Variants in ITIH5 observed in about 807,000 individuals in gnomAD.
ITIH5 encodes the protein inter-alpha-trypsin inhibitor heavy chain 5.
Under a neutral mutation model 77.5 loss-of-function variants are expected in ITIH5, and 65 were observed. The ratio of observed to expected loss-of-function variants is 0.84; its 90% CI spans 0.69 to 1.03. The LOEUF (loss-of-function observed/expected upper bound fraction) is 1.03. Among genes scored for constraint, ITIH5 ranks in the 50% least tolerant of loss-of-function variants. The probability of loss-of-function intolerance (pLI) is 0.00; values close to 1 mark genes in which losing one functional copy is unlikely to be tolerated. For synonymous variants in ITIH5, 525 were observed against 494.3 expected (o/e 1.06, Z -0.82); for missense variants, 1,208 against 1,213.1 (o/e 1.00, Z 0.06).
intron 12 of ITIH5, 104 bp downstream of exon 12, chr10:7,569,564 T>C: frequency 1.5e-6 from 1 of 676,274 alleles, no homozygotes. Flanking sequence ...ACTGAGCGTC[T>C]GTAAGGTGGC....
chr10:7,612,955 G>C (rs1334288949), intron 7 of ITIH5, among the ~76,000 whole-genome samples: 1 of 152,118 alleles, frequency 6.6e-6, no homozygotes, highest in African/African-American at 2.4e-5. Context: ...AGAACTTGTA[G>C]TACACAGGGC....
chr10:7,619,643 G>T (rs1432248174), intron 5 of ITIH5: 6 of 356,702 alleles, frequency 1.7e-5, no homozygotes, highest in South Asian at 8.8e-5. Flanking sequence ...AACGCAAAGC[G>T]AACACGTCTA....
At chr10:7,624,483 G>A (rs1351859618) in intron 5 of ITIH5, among the ~76,000 whole-genome samples, 1 of 149,194 alleles carries the variant, frequency 6.7e-6, no homozygotes, top group East Asian at 2.0e-4. Context: ...CTCCAGCCTG[G>A]GCAACAAGAG....
At chr10:7,614,366 A>G (rs532862900) in intron 7 of ITIH5, among the ~76,000 whole-genome samples, 1 of 152,344 alleles carries the variant, frequency 6.6e-6, no homozygotes, top group East Asian at 1.9e-4. Context: ...GCTATCCTCT[A>G]AAACAAGCTT....
chr10:7,607,940 C>T (rs1833158291), intron 7 of ITIH5, among the ~76,000 whole-genome samples: 1 of 152,212 alleles, frequency 6.6e-6, no homozygotes, highest in Admixed American at 6.5e-5. Flanking sequence ...CTGATATTTC[C>T]TTCTGATATT....
chr10:7,627,998 A>G (rs1246668511), intron 5 of ITIH5, among the ~76,000 whole-genome samples: 1 of 151,416 alleles, frequency 6.6e-6, no homozygotes, highest in Admixed American at 6.6e-5. Flanking sequence ...CCTGCCACCA[A>G]GCCCAGCTCG....
chr10:7,581,572 T>C (rs1038114305), intron 8 of ITIH5, among the ~76,000 whole-genome samples: 11 of 152,146 alleles, frequency 7.2e-5, no homozygotes, highest in Non-Finnish European at 1.3e-4. Context: ...AAATGTTCTG[T>C]TTCTTGATCT....
At chr10:7,656,815 C>T (rs1834191871) in intron 1 of ITIH5, among the ~76,000 whole-genome samples, 1 of 147,310 alleles carries the variant, frequency 6.8e-6, no homozygotes, top group Non-Finnish European at 1.5e-5. Flanking sequence ...ATGGTCTTGG[C>T]TCACTGCAAC....
At chr10:7,615,099 T>C (rs1340765488) in intron 7 of ITIH5, among the ~76,000 whole-genome samples, 7 of 151,898 alleles carry the variant, frequency 4.6e-5, no homozygotes, top group African/African-American at 1.7e-4. Flanking sequence ...ATACAAAAAT[T>C]AGCCAGGTGT....
chr10:7,571,592 T>G (rs1281420224), intron 11 of ITIH5: 2 of 152,056 alleles, frequency 1.3e-5, no homozygotes, highest in East Asian at 3.9e-4. Flanking sequence ...AATTATTGTA[T>G]TTTTAGTAGA....
chr10:7,566,838 GGAAGAGGAAGAA>G (rs1832184842), intron 12 of ITIH5, among the ~76,000 whole-genome samples: 46 of 11,978 alleles, frequency 3.8e-3, no homozygotes, highest in South Asian at 7.1e-3. Context: ...AAGAGGAAGA[GGAAGAGGAAGAA>G]GAAGAAGAAG....
intron 1 of ITIH5, among the ~76,000 whole-genome samples, chr10:7,664,544 C>T (rs551957986): frequency 1.1e-3 from 171 of 152,280 alleles, no homozygotes; most frequent in Non-Finnish European, 1.8e-3. Context: ...GTGACTTTTT[C>T]CACCCCAAGG....
chr10:7,594,462 G>T (rs1832855780), intron 7 of ITIH5, among the ~76,000 whole-genome samples: 1 of 152,176 alleles, frequency 6.6e-6, no homozygotes, highest in African/African-American at 2.4e-5. Flanking sequence ...ATACATGTTG[G>T]AGTCATGAAG....
chr10:7,573,425 C>T (rs903008349), intron 10 of ITIH5, among the ~76,000 whole-genome samples: 4 of 151,572 alleles, frequency 2.6e-5, no homozygotes, highest in Non-Finnish European at 4.4e-5. Flanking sequence ...CCAGTGCTTC[C>T]GGAGGCCAAG....
chr10:7,634,051 T>C (rs1183229643), intron 5 of ITIH5, among the ~76,000 whole-genome samples: 2 of 126,048 alleles, frequency 1.6e-5, no homozygotes, highest in Admixed American at 2.1e-4. Flanking sequence ...ATCGCGCCAC[T>C]GCACTCCAGC....
At chr10:7,632,368 C>A (rs540296587) in intron 5 of ITIH5, among the ~76,000 whole-genome samples, 79 of 152,082 alleles carry the variant, frequency 5.2e-4, no homozygotes, top group Non-Finnish European at 9.7e-4. Context: ...AAAATTGGAC[C>A]CTGATGATGG....
rs1281769114 is a variant in ITIH5, at chr10:7,609,541, A to G, written c.939+6441T>C. On this transcript the variant is annotated intron_variant, in intron 7 of 13. Coordinates refer to ENST00000397146, the MANE Select transcript of ITIH5 (RefSeq NM_030569.7). ...TGAGTGAACCAAAATCGACATGCAG[A>G]TCCCAGTCCTCCTACTCGTTAATTC... The G allele has an allele frequency of 2.7e-5, 12 of 450,100 alleles. No homozygotes were observed. In the Admixed American group the frequency reaches 2.7e-4, roughly 10 times the overall value. 27.9% of individuals were successfully genotyped at this position (450,100 alleles called of 1,614,324 possible). A position where few individuals can be genotyped will look rare whatever the true frequency, so the allele number is the denominator to read the frequency against.
At chr10:7,608,141 C>A (rs1479907702) in intron 7 of ITIH5, among the ~76,000 whole-genome samples, 1 of 152,202 alleles carries the variant, frequency 6.6e-6, no homozygotes, top group Non-Finnish European at 1.5e-5. Context: ...GCTTTCTGAG[C>A]GCCTTCATTT....
In ITIH5 at chr10:7,559,558, G is replaced by A. The variant is rs918995988; in HGVS notation, c.*3525C>T. On this transcript the variant is annotated 3_prime_UTR_variant, in exon 14 of 14. Coordinates refer to ENST00000397146, the MANE Select transcript of ITIH5 (RefSeq NM_030569.7). ...AAGAGTCCTTTAAATTTTAATAACA[G>A]CATTGTTTGTGTACATTCTGGGAAG... 1 of 207,420 alleles carries A rather than the reference G, an allele frequency of 4.8e-6. No individual in the cohort carries two copies. Among genetic ancestry groups the A allele is most frequent in the African/African-American group, 2.4e-5 (1 of 42,334 alleles). The allele number at this position is 207,420 out of a possible 1,614,324, so 12.8% of individuals were successfully genotyped here. A position where few individuals can be genotyped will look rare whatever the true frequency, so the allele number is the denominator to read the frequency against.
Sources: allele counts gnomAD v4.1 joint callset (sites outside exome capture counted in the v4.1 genomes callset), GRCh38; gene constraint gnomAD v4.1.1; transcripts MANE v1.5; gene names NCBI Gene and HGNC (gene_info 2026-07-23, HGNC 2026-07-21).